Variants in NKAIN3 observed in about 807,000 individuals in gnomAD.
The protein encoded by NKAIN3 is sodium/potassium transporting ATPase interacting 3, also known as sodium/potassium-transporting ATPase subunit beta-1-interacting protein 3.
NKAIN3 carries 25 observed loss-of-function variants against 30.2 expected under a neutral mutation model. The observed-to-expected ratio is 0.83, with a 90% confidence interval of 0.60 to 1.16. The LOEUF (loss-of-function observed/expected upper bound fraction) is 1.16. Among genes scored for constraint, NKAIN3 ranks in the 50% most tolerant of loss-of-function variants. NKAIN3 has a pLI of 0.00. For missense variants in NKAIN3, 225 were observed against 254.1 expected (o/e 0.89, Z 0.78); for synonymous variants, 91 against 89.6 (o/e 1.02, Z -0.09).
chr8:62,380,371 G>T (rs1398631842), intron 1 of NKAIN3, among the ~76,000 whole-genome samples: 1 of 152,142 alleles, frequency 6.6e-6, no homozygotes, highest in East Asian at 1.9e-4. Context: ...TGTCACTCTT[G>T]TATACATAAT....
In NKAIN3 at chr8:62,692,071, G is replaced by C. The variant is rs76598074; in HGVS notation, c.274-54861G>C. Among the ~76,000 whole-genome samples the C allele has an allele frequency of 6.8e-3, 1,033 of 152,232 alleles. 9 individuals are homozygous for C. Among genetic ancestry groups the C allele is most frequent in the Non-Finnish European group, 0.01 (706 of 68,012 alleles). On this transcript the variant is annotated intron_variant, in intron 3 of 6. Coordinates refer to ENST00000623646, the MANE Select transcript of NKAIN3 (RefSeq NM_001304533.3). ...GCATAATCTTCCAGCAGGCCATCCTGGGCTTTTTGTCCAGTCATGGCAGGT... is the reference window on the plus strand; with the variant it reads ...GCATAATCTTCCAGCAGGCCATCCTCGGCTTTTTGTCCAGTCATGGCAGGT...
intron 1 of NKAIN3, among the ~76,000 whole-genome samples, chr8:62,409,884 T>A (rs1804187593): frequency 6.6e-6 from 1 of 152,172 alleles, no homozygotes; most frequent in Admixed American, 6.5e-5. Flanking sequence ...CCTGGCTCAC[T>A]TTTTATTAAA....
At chr8:62,741,967 C>T (rs141931911) in intron 3 of NKAIN3, among the ~76,000 whole-genome samples, 5 of 152,232 alleles carry the variant, frequency 3.3e-5, no homozygotes, top group Middle Eastern at 3.4e-3. Context: ...TCTTTGCCCT[C>T]TTCTTCCTTA....
chr8:62,398,620 G>T (rs1045432829), intron 1 of NKAIN3, among the ~76,000 whole-genome samples: 3 of 152,198 alleles, frequency 2.0e-5, no homozygotes, highest in Admixed American at 1.3e-4. Context: ...TCAATAGGGA[G>T]ATTATTCACA....
At chr8:62,788,041 GGGTATA>G (rs1817579733) in intron 4 of NKAIN3, among the ~76,000 whole-genome samples, 2 of 99,922 alleles carry the variant, frequency 2.0e-5, no homozygotes, top group Non-Finnish European at 4.3e-5. Flanking sequence ...TTGGGTATTT[GGGTATA>G]CACCCAGTAA....
chr8:62,932,995 A>AACACACACACACACACACACAC (rs59854103), intron 5 of NKAIN3, among the ~76,000 whole-genome samples: 2 of 141,794 alleles, frequency 1.4e-5, no homozygotes, highest in Admixed American at 7.0e-5. Flanking sequence ...TCACTCAATG[A>AACACACACACACACACACACAC]ACACACACAC....
intron 1 of NKAIN3, among the ~76,000 whole-genome samples, chr8:62,385,224 C>CT (rs1176907714): frequency 2.0e-5 from 3 of 152,132 alleles, no homozygotes. Context: ...CATCATTTCC[C>CT]TTTATTGAGT....
At chr8:62,726,284 T>G (rs1487245816) in intron 3 of NKAIN3, among the ~76,000 whole-genome samples, 13 of 152,170 alleles carry the variant, frequency 8.5e-5, no homozygotes, top group South Asian at 4.1e-4. Flanking sequence ...AACTTTTTCC[T>G]TACCAATTTG....
At chr8:62,997,808 T>A (rs1217800622) in intron 5 of NKAIN3, among the ~76,000 whole-genome samples, 2 of 151,494 alleles carry the variant, frequency 1.3e-5, no homozygotes, top group African/African-American at 4.8e-5. Flanking sequence ...GAGTGTGTTA[T>A]GAAATCTGAG....
intron 4 of NKAIN3, among the ~76,000 whole-genome samples, chr8:62,826,790 G>A (rs565710991): frequency 6.6e-6 from 1 of 152,286 alleles, no homozygotes; most frequent in East Asian, 1.9e-4. Context: ...TCCTTGTACT[G>A]TAGCTAGGAA....
rs1824128424 is a variant in NKAIN3, at chr8:62,983,432, C to T, written c.*18025C>T. On this transcript the variant is annotated 3_prime_UTR_variant, in exon 7 of 7. Coordinates refer to ENST00000623646, the MANE Select transcript of NKAIN3 (RefSeq NM_001304533.3). ...GGATGAAGGAGAGCCCATTTGCAAC[C>T]CTCTTCTGTCTCCCTAAGCATTCAA... The T allele has an allele frequency of 6.6e-6, 1 of 152,130 alleles. No individual in the cohort carries two copies. Among genetic ancestry groups the T allele is most frequent in the Non-Finnish European group, 1.5e-5 (1 of 68,032 alleles). 9.4% of individuals were successfully genotyped at this position (152,130 alleles called of 1,614,324 possible).
At chr8:62,794,799 G>C (rs1350414096) in intron 4 of NKAIN3, among the ~76,000 whole-genome samples, 1 of 152,194 alleles carries the variant, frequency 6.6e-6, no homozygotes. Context: ...GTAGCTTCCT[G>C]ACACACGGAC....
chr8:62,442,164 T>G (rs1585812383), intron 1 of NKAIN3, among the ~76,000 whole-genome samples: 1 of 152,072 alleles, frequency 6.6e-6, no homozygotes, highest in East Asian at 1.9e-4. Context: ...CTGTTTTTAG[T>G]TATCCAGTTT....
intron 5 of NKAIN3, among the ~76,000 whole-genome samples, chr8:62,993,988 C>T (rs570410089): frequency 2.0e-5 from 3 of 152,004 alleles, no homozygotes; most frequent in South Asian, 2.1e-4. Context: ...ATTCCAGAGC[C>T]TTTTATAAGC....
chr8:62,378,776 G>C (rs1285209675), intron 1 of NKAIN3, among the ~76,000 whole-genome samples: 4 of 152,200 alleles, frequency 2.6e-5, no homozygotes, highest in African/African-American at 9.7e-5. Context: ...GTCTGCTGCA[G>C]GGATGGAGCC....
chr8:62,998,368 T>C (rs747053109), intron 5 of NKAIN3, among the ~76,000 whole-genome samples: 6 of 151,968 alleles, frequency 3.9e-5, no homozygotes, highest in Non-Finnish European at 7.4e-5. Flanking sequence ...CTCCACCCCC[T>C]GGGTTCAAGT....
intron 4 of NKAIN3, chr8:62,856,774 C>T (rs1291831607): frequency 3.1e-6 from 2 of 654,910 alleles, no homozygotes; most frequent in Non-Finnish European, 5.6e-6. Context: ...TTATCCAACT[C>T]CTGTAAGATG....
intron 1 of NKAIN3, among the ~76,000 whole-genome samples, chr8:62,437,048 G>A (rs1195147365): frequency 6.6e-6 from 1 of 152,094 alleles, no homozygotes; most frequent in Non-Finnish European, 1.5e-5. Context: ...ATTACCTGAG[G>A]TTAAAATATA....
intron 3 of NKAIN3, among the ~76,000 whole-genome samples, chr8:62,694,937 G>A (rs1212646999): frequency 6.6e-6 from 1 of 152,134 alleles, no homozygotes; most frequent in Non-Finnish European, 1.5e-5. Flanking sequence ...AAAAATTAGA[G>A]ATCTTCAAAC....
Sources: gnomAD v4.1 joint callset for allele counts (sites outside exome capture counted in the v4.1 genomes callset) on GRCh38, gnomAD v4.1.1 for gene constraint, MANE v1.5 for transcripts, NCBI Gene and HGNC (gene_info 2026-07-23, HGNC 2026-07-21) for gene names.